Variants in MAP4 observed in about 807,000 individuals in gnomAD.
MAP4 encodes the protein microtubule-associated protein 4.
In MAP4, 76 loss-of-function variants were observed where a neutral mutation model predicts 170.2. The observed-to-expected ratio is 0.45, with a 90% confidence interval of 0.37 to 0.54. The LOEUF (loss-of-function observed/expected upper bound fraction) is 0.54. Ranked by LOEUF, MAP4 falls within the 20% of genes least tolerant of loss-of-function variation. MAP4 has a pLI of 0.00. For synonymous variants in MAP4, 909 were observed against 994.5 expected (o/e 0.91, Z 1.62); for missense variants, 2,506 against 2,748.0 (o/e 0.91, Z 1.97).
intron 1 of MAP4, among the ~76,000 whole-genome samples, chr3:48,027,360 C>T (rs2100113642): frequency 6.6e-6 from 1 of 152,120 alleles, no homozygotes. Flanking sequence ...CAAACATCTC[C>T]CAACTCCCAC....
intron 12 of MAP4, 73 bp from the exon 13 acceptor site, chr3:47,872,173 CTTTTT>C: frequency 7.5e-7 from 1 of 1,335,278 alleles, no homozygotes; most frequent in African/African-American, 1.5e-5. Flanking sequence ...CAAGATGCTT[CTTTTT>C]TTGTTTGTTT....
chr3:47,994,013 A>G (rs2100093916), intron 2 of MAP4, among the ~76,000 whole-genome samples: 1 of 152,224 alleles, frequency 6.6e-6, no homozygotes, highest in Non-Finnish European at 1.5e-5. Context: ...CAACCACCTT[A>G]CAACAGTCCT....
intron 5 of MAP4, among the ~76,000 whole-genome samples, chr3:47,920,208 TG>T (rs971086914): frequency 2.0e-5 from 3 of 152,156 alleles, no homozygotes; most frequent in African/African-American, 4.8e-5. Context: ...TGACCTCAGG[TG>T]ATCTGCCCAC....
At chr3:47,863,755 C>A (rs1266513058) in intron 17 of MAP4, among the ~76,000 whole-genome samples, 6 of 152,034 alleles carry the variant, frequency 3.9e-5, no homozygotes, top group Non-Finnish European at 5.9e-5. Context: ...TTGGCACTGG[C>A]TCATCACTCC....
At chr3:47,900,459 G>C (rs2100029395) in intron 10 of MAP4, among the ~76,000 whole-genome samples, 1 of 152,164 alleles carries the variant, frequency 6.6e-6, no homozygotes, top group African/African-American at 2.4e-5. Flanking sequence ...TCCTCTAAAG[G>C]CCGGGCATGG....
chr3:47,950,844 C>T lies in MAP4; in HGVS notation c.293-22494G>A, dbSNP rs571594134. Among the ~76,000 whole-genome samples the T allele has an allele frequency of 1.3e-4, 20 of 152,240 alleles. No homozygotes were observed. In the South Asian group the frequency reaches 2.3e-3, roughly 17 times the overall value. ...TGTAGGAATATTCACCTGACAGTTT[C>T]GTGTTTCTCCCCATAGCTGAGTTGG... On this transcript the variant is annotated intron_variant, in intron 3 of 20. Coordinates refer to ENST00000683076, the MANE Select transcript of MAP4 (RefSeq NM_001385682.1).
chr3:47,917,574 A>AGAG (rs1388152751), intron 6 of MAP4, among the ~76,000 whole-genome samples: 1 of 145,078 alleles, frequency 6.9e-6, no homozygotes, highest in Admixed American at 6.9e-5. Flanking sequence ...GGACAGGGCA[A>AGAG]GAGTCCGTCT....
chr3:47,896,209 T>C (rs1027775346), intron 10 of MAP4, among the ~76,000 whole-genome samples: 1 of 152,156 alleles, frequency 6.6e-6, no homozygotes, highest in East Asian at 1.9e-4. Flanking sequence ...AAATACATAA[T>C]GTATCTACTG....
At chr3:47,923,623 TAAAAAAAA>T (rs540228735) in intron 4 of MAP4, among the ~76,000 whole-genome samples, 1 of 126,822 alleles carries the variant, frequency 7.9e-6, no homozygotes, top group Admixed American at 8.1e-5. Context: ...GCTTTTTGTT[TAAAAAAAA>T]AAAAAACAAA....
intron 3 of MAP4, among the ~76,000 whole-genome samples, chr3:47,971,799 C>A (rs781769181): frequency 6.0e-4 from 92 of 152,266 alleles, no homozygotes; most frequent in Non-Finnish European, 9.7e-4. Context: ...CCTGCTGGAC[C>A]AGTCCTGTGT....
At chr3:48,071,581 C>G (rs1439424527) in intron 1 of MAP4, among the ~76,000 whole-genome samples, 5 of 152,098 alleles carry the variant, frequency 3.3e-5, no homozygotes, top group African/African-American at 1.2e-4. Context: ...AATCTGAACA[C>G]AGAATTAACA....
chr3:48,045,977 A>G (rs1579524111), intron 1 of MAP4, among the ~76,000 whole-genome samples: 1 of 145,698 alleles, frequency 6.9e-6, no homozygotes, highest in African/African-American at 2.5e-5. Flanking sequence ...AATTTCTTGC[A>G]TCACTTCTTT....
chr3:47,885,346 A>G (rs1171402395), intron 10 of MAP4, among the ~76,000 whole-genome samples: 2 of 151,070 alleles, frequency 1.3e-5, no homozygotes, highest in Non-Finnish European at 2.9e-5. Context: ...CCTGGGCAAC[A>G]TAGCAAGATC....
chr3:48,030,075 T>G (rs1047936592), intron 1 of MAP4, among the ~76,000 whole-genome samples: 1 of 148,000 alleles, frequency 6.8e-6, no homozygotes, highest in African/African-American at 2.5e-5. Context: ...ACATGTAATA[T>G]ATATTATATA....
chr3:47,942,543 A>G (rs76285133), intron 3 of MAP4, among the ~76,000 whole-genome samples: 6,609 of 152,158 alleles, frequency 0.043, 474 homozygotes, highest in African/African-American at 0.15. Flanking sequence ...CTACAGGTAC[A>G]TGCCACTGTG....
At position 47,891,245 on chromosome 3, in the gene MAP4, G is replaced by A. The variant is rs760505336; in HGVS notation, c.5434+11705C>T. On this transcript the variant is annotated intron_variant, in intron 10 of 20. Coordinates refer to ENST00000683076, the MANE Select transcript of MAP4 (RefSeq NM_001385682.1). ...CAGCTTACTATGGAGATATAATCCA[G>A]CAGTGCCGAGTTCCTTCTTCCCAGA... 9.8e-6 allele frequency: 15 copies of A among 1,536,138 alleles called. No homozygotes were observed. The Admixed American group carries it at 1.2e-4, about 12-fold the overall frequency.
At chr3:47,967,267 G>A (rs1490243117) in intron 3 of MAP4, among the ~76,000 whole-genome samples, 2 of 152,162 alleles carry the variant, frequency 1.3e-5, no homozygotes, top group African/African-American at 2.4e-5. Flanking sequence ...ACCCGGAGGC[G>A]GAGGTTGCAG....
chr3:48,032,410 G>C (rs538475534), intron 1 of MAP4, among the ~76,000 whole-genome samples: 3 of 152,006 alleles, frequency 2.0e-5, no homozygotes, highest in African/African-American at 7.2e-5. Flanking sequence ...ACTCAGGCAG[G>C]AGAATTACTT....
chr3:47,896,575 A>G (rs1189992138), intron 10 of MAP4, among the ~76,000 whole-genome samples: 1 of 152,128 alleles, frequency 6.6e-6, no homozygotes, highest in Non-Finnish European at 1.5e-5. Context: ...ACATATATAT[A>G]TATGAAGTAG....
Sources: gnomAD v4.1 joint callset for allele counts (sites outside exome capture counted in the v4.1 genomes callset) on GRCh38, gnomAD v4.1.1 for gene constraint, MANE v1.5 for transcripts, NCBI Gene and HGNC (gene_info 2026-07-23, HGNC 2026-07-21) for gene names.